CTNNA3: variants seen among roughly 807,000 people sequenced by gnomAD.
CTNNA3 encodes catenin alpha-3.
Under a neutral mutation model 95.7 loss-of-function variants are expected in CTNNA3, and 76 were observed. That is an observed-to-expected ratio of 0.79 (90% CI 0.66 to 0.96). The LOEUF is 0.96. Ranked by LOEUF, CTNNA3 falls within the 40% of genes least tolerant of loss-of-function variation. CTNNA3 has a pLI of 0.00. For synonymous variants in CTNNA3, 431 were observed against 374.4 expected (o/e 1.15, Z -1.74); for missense variants, 1,191 against 1,089.8 (o/e 1.09, Z -1.31).
At chr10:67,159,896 A>G (rs1861460211) in intron 7 of CTNNA3, among the ~76,000 whole-genome samples, 1 of 152,210 alleles carries the variant, frequency 6.6e-6, no homozygotes, top group South Asian at 2.1e-4. Context: ...AAAATTTTCT[A>G]CACATCAAAG....
chr10:66,170,604 G>T (rs1230922750), intron 13 of CTNNA3, among the ~76,000 whole-genome samples: 1 of 151,594 alleles, frequency 6.6e-6, no homozygotes, highest in Non-Finnish European at 1.5e-5. Context: ...GCAAAGAAAT[G>T]AATATCACAA....
chr10:66,271,871 C>T (rs1454613169), intron 13 of CTNNA3, among the ~76,000 whole-genome samples: 6 of 152,160 alleles, frequency 3.9e-5, no homozygotes, highest in African/African-American at 7.2e-5. Flanking sequence ...CACTAACTAG[C>T]GCGGCTTTTG....
chr10:67,224,128 A>G lies in CTNNA3; in HGVS notation c.580-4258T>C, dbSNP rs907091233. ...GAGAACATGTAAGATCTATTCTCTT[A>G]GCAAATTTCAAGTAAGCAATACATT... On this transcript the variant is annotated intron_variant, in intron 5 of 17. Transcript: ENST00000433211. 1.1e-4 allele frequency among the ~76,000 whole-genome samples: 17 copies of G among 152,304 alleles called. No homozygotes were observed. In the South Asian group the frequency reaches 1.2e-3, roughly 11 times the overall value.
chr10:66,016,655 A>T (rs940005480), intron 15 of CTNNA3, among the ~76,000 whole-genome samples: 1 of 152,184 alleles, frequency 6.6e-6, no homozygotes, highest in Non-Finnish European at 1.5e-5. Context: ...ATAGGAAAAA[A>T]AATCTTTAAC....
rs145482114 is a variant in CTNNA3, at chr10:66,301,686, T to A, written c.1733-21065A>T. Among the ~76,000 whole-genome samples, 29 of 151,912 alleles carry A rather than the reference T, an allele frequency of 1.9e-4. No homozygotes were observed. The East Asian group carries it at 5.4e-3, about 28-fold the overall frequency. ...TCCTACACCCACTCATAGTAAGAAC[T>A]CTCAGCAAAGTAGGAATAGAAGGGA... On this transcript the variant is annotated intron_variant, in intron 12 of 17. Coordinates refer to ENST00000433211, the MANE Select transcript of CTNNA3 (RefSeq NM_013266.4).
chr10:67,674,218 C>T (rs1840494442), intron 1 of CTNNA3, among the ~76,000 whole-genome samples: 1 of 151,958 alleles, frequency 6.6e-6, no homozygotes, highest in African/African-American at 2.4e-5. Context: ...CTAATTCAGT[C>T]ATACTGGTGT....
At chr10:66,711,303 C>T (rs1451703452) in intron 9 of CTNNA3, among the ~76,000 whole-genome samples, 1 of 128,244 alleles carries the variant, frequency 7.8e-6, no homozygotes, top group Admixed American at 7.6e-5. Context: ...AGATAAAGAA[C>T]ATAAACTCAT....
At chr10:66,144,575 C>T (rs564599900) in intron 13 of CTNNA3, among the ~76,000 whole-genome samples, 68 of 152,120 alleles carry the variant, frequency 4.5e-4, no homozygotes, top group African/African-American at 1.6e-3. Context: ...GCAACCTCTG[C>T]TTCCCGGGTT....
intron 13 of CTNNA3, among the ~76,000 whole-genome samples, chr10:66,278,671 T>C (rs932630928): frequency 4.1e-5 from 6 of 144,912 alleles, no homozygotes; most frequent in African/African-American, 1.5e-4. Context: ...CTATAAGATG[T>C]TTTTTTCCAT....
intron 1 of CTNNA3, among the ~76,000 whole-genome samples, chr10:67,705,312 T>C (rs1162342425): frequency 1.3e-5 from 2 of 151,998 alleles, no homozygotes; most frequent in Admixed American, 6.6e-5. Context: ...CATGCTGCTA[T>C]AAAGACACAT....
intron 6 of CTNNA3, among the ~76,000 whole-genome samples, chr10:67,183,276 C>T (rs1347602241): frequency 1.3e-5 from 2 of 152,144 alleles, no homozygotes; most frequent in East Asian, 1.9e-4. Context: ...ATAGCAAAGA[C>T]GTGGAACCAA....
rs144941054 is a variant in CTNNA3 at position 66,612,555 on chromosome 10, G to A, written c.1374+9137C>T. ...TGAAGGCACTTTTGGTTATTAGAAA[G>A]ACTGGACTGGGGGAGGTGGAAGTTG... On this transcript the variant is annotated intron_variant, in intron 10 of 17. Coordinates refer to ENST00000433211, the MANE Select transcript of CTNNA3 (RefSeq NM_013266.4). 9.5e-3 allele frequency among the ~76,000 whole-genome samples: 1,441 copies of A among 152,176 alleles called. 10 individuals carry two copies. Among genetic ancestry groups the A allele is most frequent in the Non-Finnish European group, 0.015 (1,050 of 67,994 alleles).
intron 7 of CTNNA3, among the ~76,000 whole-genome samples, chr10:67,127,300 T>C (rs968617725): frequency 6.6e-6 from 1 of 152,212 alleles, no homozygotes; most frequent in African/African-American, 2.4e-5. Flanking sequence ...ACACTTCATT[T>C]TTAAAGCTAA....
At chr10:67,443,836 A>G (rs1349941301) in intron 5 of CTNNA3, among the ~76,000 whole-genome samples, 2 of 151,968 alleles carry the variant, frequency 1.3e-5, no homozygotes, top group Non-Finnish European at 2.9e-5. Flanking sequence ...TTTTGTTGCC[A>G]TTGCTTTTGG....
intron 10 of CTNNA3, among the ~76,000 whole-genome samples, chr10:66,619,689 G>T (rs567003720): frequency 8.0e-5 from 12 of 150,350 alleles, no homozygotes; most frequent in Non-Finnish European, 1.3e-4. Context: ...TTGTGCACAT[G>T]TACCCTAAAA....
intron 5 of CTNNA3, among the ~76,000 whole-genome samples, chr10:67,325,443 C>G (rs1303618689): frequency 6.6e-6 from 1 of 152,128 alleles, no homozygotes; most frequent in Non-Finnish European, 1.5e-5. Flanking sequence ...TCTTTGTTCT[C>G]ACTGGTTTCA....
chr10:67,227,213 T>C (rs1014993813), intron 5 of CTNNA3, among the ~76,000 whole-genome samples: 7 of 151,394 alleles, frequency 4.6e-5, no homozygotes, highest in Non-Finnish European at 1.0e-4. Context: ...TGCCTCAGCC[T>C]CCCAAGTAGC....
chr10:66,162,161 C>T (rs11591981), intron 13 of CTNNA3, among the ~76,000 whole-genome samples: 26,713 of 151,650 alleles, frequency 0.18, 2,520 homozygotes, highest in Admixed American at 0.25. Flanking sequence ...CTGGTGCCTC[C>T]CTGATTCATT....
chr10:67,488,955 C>T (rs1472794898), intron 5 of CTNNA3, among the ~76,000 whole-genome samples: 2 of 152,146 alleles, frequency 1.3e-5, no homozygotes, highest in South Asian at 2.1e-4. Context: ...AGGCTGGTCT[C>T]GAACTCCTGA....
Sources: allele counts gnomAD v4.1 joint callset (sites outside exome capture counted in the v4.1 genomes callset), GRCh38; gene constraint gnomAD v4.1.1; transcripts MANE v1.5; gene names NCBI Gene and HGNC (gene_info 2026-07-23, HGNC 2026-07-21).